The following NLRP14 variants were observed in gnomAD, a reference collection of about 807,000 sequenced individuals.
NLRP14 encodes the protein NLR family pyrin domain containing 14.
NLRP14 carries 105 observed loss-of-function variants against 94.7 expected under a neutral mutation model. That is an observed-to-expected ratio of 1.11 (90% confidence interval 0.95 to 1.30). The LOEUF is 1.30. NLRP14 is among the 50% of genes most tolerant of loss of function. The pLI is 0.00. For missense variants in NLRP14, 1,362 were observed against 1,254.1 expected, an observed-to-expected ratio of 1.09 and a Z score of -1.30; for synonymous variants, 508 against 459.9, an observed-to-expected ratio of 1.10 and a Z score of -1.34.
In NLRP14 at chr11:7,071,389, G is replaced by T; in HGVS notation, c.*81G>T. On this transcript the variant is annotated 3_prime_UTR_variant, in exon 12 of 12. Transcript: ENST00000299481. ...ATATATACCCAGACTTGGGTGCTTA[G>T]CTTCAGATACTCTATGCCCAGAGAT... is the stretch of plus-strand genomic sequence containing the variant. The T allele has an allele frequency of 1.7e-6, 2 of 1,145,048 alleles. No homozygotes were observed. The highest frequency in any genetic ancestry group is 2.6e-6 in the Non-Finnish European group (2 of 783,196). 70.9% of individuals were successfully genotyped at this position (1,145,048 alleles called of 1,614,324 possible).
chr11:7,087,484 TCA>T, the NLRP14 span, among the ~76,000 whole-genome samples: 1 of 152,156 alleles, frequency 6.6e-6, no homozygotes, highest in African/African-American at 2.4e-5. Flanking sequence ...AGAGCATATC[TCA>T]GTTAGGTTTG....
At chr11:7,022,514 C>T (rs1299758071) in intron 1 of NLRP14, among the ~76,000 whole-genome samples, 2 of 152,090 alleles carry the variant, frequency 1.3e-5, no homozygotes, top group East Asian at 1.9e-4. Context: ...GACAAGACAG[C>T]AAGGGATTTA....
the NLRP14 span, chr11:7,089,147 G>A: frequency 1.3e-5 from 21 of 1,614,026 alleles, no homozygotes; most frequent in Non-Finnish European, 1.7e-5. Context: ...GCCCGGGGAA[G>A]CTGTTCATTG....
chr11:7,049,148 G>A (rs377296362), intron 5 of NLRP14, among the ~76,000 whole-genome samples: 2 of 152,110 alleles, frequency 1.3e-5, no homozygotes. Context: ...CATTGACTGA[G>A]TTAGGAGGTA....
At chr11:7,051,584 A>C (rs1275156904) in intron 6 of NLRP14, among the ~76,000 whole-genome samples, 3 of 152,180 alleles carry the variant, frequency 2.0e-5, no homozygotes, top group African/African-American at 7.2e-5. Context: ...GCCCCTGTAC[A>C]TGAACATACT....
chr11:7,021,313 T>C (rs537259357), intron 1 of NLRP14, among the ~76,000 whole-genome samples: 1 of 152,360 alleles, frequency 6.6e-6, no homozygotes, highest in African/African-American at 2.4e-5. Flanking sequence ...ACATAGGAAG[T>C]AGTCTTGTGA....
rs572998165 is a variant in NLRP14 at position 7,024,308 on chromosome 11, A to T, written c.-22+3538A>T. Among the ~76,000 whole-genome samples, 4 of 152,310 alleles carry T rather than the reference A, an allele frequency of 2.6e-5. No homozygotes were observed. In the South Asian group the frequency reaches 6.2e-4, roughly 24 times the overall value. On this transcript the variant is annotated intron_variant, in intron 1 of 11. Transcript: ENST00000299481. ...AATTAATGCAGTTTTGTGCTAACGT[A>T]GTTTTCCAAAAAATACCAAGAGGGA...
chr11:7,065,527 T>C (rs193140150), intron 10 of NLRP14, among the ~76,000 whole-genome samples: 4 of 152,254 alleles, frequency 2.6e-5, no homozygotes, highest in East Asian at 3.9e-4. Flanking sequence ...TCTGTTCTTA[T>C]ATTCTTTTTT....
chr11:7,088,677 TTAA>T, the NLRP14 span, among the ~76,000 whole-genome samples: 16 of 37,692 alleles, frequency 4.2e-4, no homozygotes, highest in South Asian at 5.9e-3. Context: ...GATTTTTAAC[TTAA>T]TAATTTTAGT....
Position 7,055,885 on chromosome 11 carries a change from G to A in NLRP14, c.2292-1792G>A, listed in dbSNP as rs139416949. On this transcript the variant is annotated intron_variant, in intron 6 of 11. Transcript: ENST00000299481. ...GGCTTTGGAAATTTTTGCCAAGGATGTTGTTTTGGTAGCACTATTAAGAGG... is the reference window on the plus strand; with the variant it reads ...GGCTTTGGAAATTTTTGCCAAGGATATTGTTTTGGTAGCACTATTAAGAGG... Among the ~76,000 whole-genome samples the A allele has an allele frequency of 2.0e-4, 31 of 152,168 alleles. 1 individual carries two copies. Among genetic ancestry groups the A allele is most frequent in the African/African-American group, 7.0e-4 (29 of 41,542 alleles).
intron 5 of NLRP14, 150 bp from the exon 6 acceptor site, chr11:7,049,521 G>T: frequency 3.0e-6 from 2 of 656,108 alleles, no homozygotes; most frequent in Non-Finnish European, 5.3e-6. Context: ...GTCATAAATA[G>T]AAATTGAAGT....
Position 7,049,760 on chromosome 11 carries a change from G to A in NLRP14, c.2213G>A (p.Gly738Glu), listed in dbSNP as rs1852415245. ...NKNLMHLDLK[G>E]SDIGDNGVKS... is the part of the protein sequence containing the mutation. ...AATCTGATGCATCTTGACCTAAAAGGGAGTGATATAGGGGATAATGGAGTA... is the reference window on the plus strand; with the variant it reads ...AATCTGATGCATCTTGACCTAAAAGAGAGTGATATAGGGGATAATGGAGTA... The change falls in exon 6 of 12, where the codon GGG (glycine) becomes GAG (glutamate). Residue 738 changes from glycine (G) to glutamate (E), a missense_variant. Physicochemically the swap from Gly to Glu is moderately conservative, Grantham distance 98. Transcript: ENST00000299481. 1 of 1,610,072 alleles carries A rather than the reference G, an allele frequency of 6.2e-7. No individual in the cohort carries two copies. Among genetic ancestry groups the A allele is most frequent in the Non-Finnish European group, 8.5e-7 (1 of 1,176,378 alleles).
chr11:7,083,229 C>G, the NLRP14 span, among the ~76,000 whole-genome samples: 2 of 152,210 alleles, frequency 1.3e-5, no homozygotes, highest in Non-Finnish European at 2.9e-5. Flanking sequence ...TTTGCAAAGG[C>G]ATGTAAGCCA....
chr11:7,084,640 C>G, the NLRP14 span, among the ~76,000 whole-genome samples: 2 of 152,212 alleles, frequency 1.3e-5, no homozygotes, highest in African/African-American at 4.8e-5. Context: ...TCAGAAGCCC[C>G]TACACTCCAG....
downstream of NLRP14, among the ~76,000 whole-genome samples, chr11:7,075,977 AC>A (rs1705061914): frequency 1.3e-5 from 2 of 152,340 alleles, no homozygotes; most frequent in South Asian, 4.1e-4. Context: ...AATTGAATAA[AC>A]TTTTATCTGC....
At chr11:7,044,112 G>A in intron 4 of NLRP14, 128 bp downstream of exon 4, 1 of 914,830 alleles carries the variant, frequency 1.1e-6, no homozygotes, top group Non-Finnish European at 1.7e-6. Flanking sequence ...CCCATCTTGA[G>A]GCAGGGAGGC....
chr11:7,049,616 G>A, intron 5 of NLRP14, 55 bp from the exon 6 acceptor site: 2 of 1,241,818 alleles, frequency 1.6e-6, no homozygotes, highest in Non-Finnish European at 2.4e-6. Flanking sequence ...AAGGGATCCT[G>A]TAACCAAGGA....
rs1167636375 is a variant in NLRP14 at position 7,062,574 on chromosome 11, GT to G, written c.2975+72del. 2.9e-6 allele frequency: 4 copies of G among 1,362,806 alleles called. No homozygotes were observed. In the East Asian group the frequency reaches 9.1e-5, roughly 31 times the overall value. The allele number at this position is 1,362,806 out of a possible 1,614,324, so 84.4% of individuals were successfully genotyped here. On this transcript the variant is annotated intron_variant, in intron 10 of 11. Transcript: ENST00000299481. ...CTAGTATAGCTAGAAGATATTTAGTGTATGGAGAGAGGATAAAAACTAAATG... is the reference window on the plus strand; with the variant it reads ...CTAGTATAGCTAGAAGATATTTAGTGATGGAGAGAGGATAAAAACTAAATG...
At chr11:7,058,053 C>T (rs1274788919) in intron 7 of NLRP14, among the ~76,000 whole-genome samples, 5 of 151,808 alleles carry the variant, frequency 3.3e-5, no homozygotes, top group African/African-American at 1.2e-4. Context: ...TTCTGATTGA[C>T]CTCTTTATTT....
Sources: gnomAD v4.1 joint callset for allele counts (sites outside exome capture counted in the v4.1 genomes callset) on GRCh38, gnomAD v4.1.1 for gene constraint, MANE v1.5 for transcripts, NCBI Gene and HGNC (gene_info 2026-07-23, HGNC 2026-07-21) for gene names.